The following CSMD1 variants were observed in gnomAD, a reference collection of about 807,000 sequenced individuals.
CSMD1 encodes CUB and Sushi multiple domains 1, also known as CUB and sushi domain-containing protein 1.
In CSMD1, 213 loss-of-function variants were observed where a neutral mutation model predicts 417.5. The observed-to-expected ratio is 0.51, with a 90% CI of 0.46 to 0.57. The LOEUF (loss-of-function observed/expected upper bound fraction) is 0.57, where lower values mean the gene tolerates loss of function less well. Ranked by LOEUF, CSMD1 falls within the 20% of genes least tolerant of loss-of-function variation. The pLI, the probability that CSMD1 is intolerant of heterozygous loss-of-function variation, is 0.00. For synonymous variants in CSMD1, 2,862 were observed against 1,736.8 expected (o/e 1.65, Z -16.11); for missense variants, 6,923 against 4,529.7 (o/e 1.53, Z -15.17).
At chr8:4,402,915 G>A (rs1007202480) in intron 3 of CSMD1, among the ~76,000 whole-genome samples, 13 of 147,428 alleles carry the variant, frequency 8.8e-5, no homozygotes, top group South Asian at 2.2e-4. Context: ...CGCCTCCTGG[G>A]TTCATGCCAT....
At chr8:4,525,739 T>C (rs1267185342) in intron 2 of CSMD1, among the ~76,000 whole-genome samples, 4 of 152,174 alleles carry the variant, frequency 2.6e-5, no homozygotes, top group Admixed American at 6.5e-5. Flanking sequence ...CGTCATCACA[T>C]GGGCAATGCT....
intron 2 of CSMD1, among the ~76,000 whole-genome samples, chr8:4,587,420 CATGT>C (rs1563312234): frequency 6.6e-4 from 71 of 108,286 alleles, no homozygotes; most frequent in African/African-American, 3.0e-3. Flanking sequence ...TGTATATGTA[CATGT>C]ATATGTGGAT....
chr8:4,029,140 G>C (rs980976329), intron 4 of CSMD1, among the ~76,000 whole-genome samples: 1 of 152,128 alleles, frequency 6.6e-6, no homozygotes, highest in Non-Finnish European at 1.5e-5. Flanking sequence ...AGATAAAAAG[G>C]AGGCAACAGG....
chr8:3,365,725 G>A (rs1809517786), intron 20 of CSMD1, among the ~76,000 whole-genome samples: 1 of 152,188 alleles, frequency 6.6e-6, no homozygotes, highest in Non-Finnish European at 1.5e-5. Flanking sequence ...TAGTAGTTAA[G>A]TTTTTGGGGC....
intron 50 of CSMD1, 132 bp downstream of exon 50, chr8:3,052,330 C>A: frequency 1.6e-6 from 1 of 622,872 alleles, no homozygotes. Flanking sequence ...TTTAATATTG[C>A]TATGATGAAA....
intron 5 of CSMD1, among the ~76,000 whole-genome samples, chr8:3,772,760 T>C (rs11988484): frequency 0.34 from 51,363 of 149,772 alleles, 10,917 homozygotes; most frequent in African/African-American, 0.6. Context: ...TCAGCAAATA[T>C]TGAACGAATG....
chr8:4,469,977 C>G (rs1441267637), intron 2 of CSMD1, among the ~76,000 whole-genome samples: 1 of 151,906 alleles, frequency 6.6e-6, no homozygotes, highest in Non-Finnish European at 1.5e-5. Context: ...ACACCATCAT[C>G]CTGCCTCAGC....
At chr8:4,528,781 TTCTCTCTC>T (rs35818830) in intron 2 of CSMD1, among the ~76,000 whole-genome samples, 60 of 149,382 alleles carry the variant, frequency 4.0e-4, no homozygotes, top group Non-Finnish European at 7.0e-4. Context: ...AGAGCTCACT[TTCTCTCTC>T]TCTCTCTCTC....
At chr8:4,188,283 G>A (rs1231399262) in intron 3 of CSMD1, among the ~76,000 whole-genome samples, 1 of 152,166 alleles carries the variant, frequency 6.6e-6, no homozygotes, top group African/African-American at 2.4e-5. Context: ...CTAGACGTCG[G>A]TCAATGTCCC....
chr8:3,389,726 G>A (rs1585092691), intron 17 of CSMD1, among the ~76,000 whole-genome samples: 1 of 152,080 alleles, frequency 6.6e-6, no homozygotes, highest in African/African-American at 2.4e-5. Flanking sequence ...AAAATTTACA[G>A]TGAAAAGAGA....
intron 5 of CSMD1, among the ~76,000 whole-genome samples, chr8:3,760,189 G>C (rs1422754630): frequency 6.6e-6 from 1 of 152,118 alleles, no homozygotes; most frequent in Non-Finnish European, 1.5e-5. Context: ...TCTCAATCTA[G>C]GTCAGGAAAC....
intron 5 of CSMD1, among the ~76,000 whole-genome samples, chr8:3,991,520 T>C (rs1389888557): frequency 6.6e-6 from 1 of 152,212 alleles, no homozygotes; most frequent in Non-Finnish European, 1.5e-5. Flanking sequence ...AACAAGCAAG[T>C]ATGCTAAGAT....
At position 4,657,732 on chromosome 8, in the gene CSMD1, A is replaced by G. The variant is rs578209434; in HGVS notation, c.86-20174T>C. On this transcript the variant is annotated intron_variant, in intron 1 of 69. Transcript: ENST00000635120. ...CTCACAAAAGAAATGAAAAAAAAAAAAACTCTCCCTGAAAAAGCACGGACA... is the reference window on the plus strand; with the variant it reads ...CTCACAAAAGAAATGAAAAAAAAAAGAACTCTCCCTGAAAAAGCACGGACA... Among the ~76,000 whole-genome samples the G allele has an allele frequency of 1.8e-3, 269 of 151,796 alleles. 1 individual carries two copies. Among genetic ancestry groups the G allele is most frequent in the Middle Eastern group, 0.01 (3 of 294 alleles).
At chr8:4,325,614 G>C (rs974674262) in intron 3 of CSMD1, among the ~76,000 whole-genome samples, 2 of 152,126 alleles carry the variant, frequency 1.3e-5, no homozygotes, top group African/African-American at 2.4e-5. Context: ...CAACATGAAA[G>C]CATCTGAAGA....
At position 4,525,039 on chromosome 8, in the gene CSMD1, A is replaced by G. The variant is rs78100649; in HGVS notation, c.303-104974T>C. Among the ~76,000 whole-genome samples, 63 of 152,236 alleles carry G rather than the reference A, an allele frequency of 4.1e-4. No individual in the cohort carries two copies. In the East Asian group the frequency reaches 0.011, roughly 26 times the overall value. On this transcript the variant is annotated intron_variant, in intron 2 of 69. Coordinates refer to ENST00000635120, the MANE Select transcript of CSMD1 (RefSeq NM_033225.6). ...TTTATATTTTGAATCAAGACATTCAATATTTTCTGTTAACGATGTCAATTA... is the reference window on the plus strand; with the variant it reads ...TTTATATTTTGAATCAAGACATTCAGTATTTTCTGTTAACGATGTCAATTA...
intron 5 of CSMD1, among the ~76,000 whole-genome samples, chr8:3,842,017 A>C (rs1395910320): frequency 6.6e-6 from 1 of 152,178 alleles, no homozygotes; most frequent in Non-Finnish European, 1.5e-5. Context: ...TCGAGTTAAA[A>C]GCTCCTTTCT....
chr8:4,123,455 A>C (rs1042885213), intron 3 of CSMD1, among the ~76,000 whole-genome samples: 1 of 152,196 alleles, frequency 6.6e-6, no homozygotes. Context: ...ATGTTTAAAT[A>C]TCATTATTGT....
intron 18 of CSMD1, among the ~76,000 whole-genome samples, chr8:3,380,200 C>T (rs899558169): frequency 6.6e-6 from 1 of 152,132 alleles, no homozygotes; most frequent in Non-Finnish European, 1.5e-5. Context: ...CACAGTCTCA[C>T]AACCGTTAGA....
intron 6 of CSMD1, among the ~76,000 whole-genome samples, chr8:3,742,280 A>ATAAC (rs1347050807): frequency 1.3e-5 from 2 of 152,212 alleles, no homozygotes; most frequent in Non-Finnish European, 2.9e-5. Context: ...TCAGGTAAAC[A>ATAAC]TAACGTTCAT....
Sources: allele counts gnomAD v4.1 joint callset (sites outside exome capture counted in the v4.1 genomes callset), GRCh38; gene constraint gnomAD v4.1.1; transcripts MANE v1.5; gene names NCBI Gene and HGNC (gene_info 2026-07-23, HGNC 2026-07-21).